ANO1: variants seen among roughly 807,000 people sequenced by gnomAD.
ANO1 encodes the protein anoctamin 1.
Under a neutral mutation model 124.0 loss-of-function variants are expected in ANO1, and 59 were observed. The ratio of observed to expected loss-of-function variants is 0.48; its 90% CI spans 0.39 to 0.59. The LOEUF (loss-of-function observed/expected upper bound fraction) is 0.59. ANO1 is among the 20% of genes least tolerant of loss of function. The pLI is 0.00. For missense variants in ANO1, 1,059 were observed against 1,328.0 expected (o/e 0.80, Z 3.15); for synonymous variants, 529 against 532.0 (o/e 0.99, Z 0.08).
chr11:70,014,658 T>C (rs1196340143), intron 1 of ANO1, among the ~76,000 whole-genome samples: 1 of 152,076 alleles, frequency 6.6e-6, no homozygotes, highest in African/African-American at 2.4e-5. Context: ...GTTGAGAGTA[T>C]GCTGGGAGCA....
intron 12 of ANO1, 121 bp downstream of exon 12, chr11:70,149,913 A>G (rs2047533355): frequency 8.9e-7 from 1 of 1,117,938 alleles, no homozygotes; most frequent in Non-Finnish European, 1.3e-6. Flanking sequence ...AAGCTGAGGC[A>G]AGGCCGCCCC....
At position 70,153,133 on chromosome 11, in the gene ANO1, G is replaced by A. The variant is rs767505921; in HGVS notation, c.1425+5G>A. ...AAAGAGTCCAGAAACAAAGAGGTAT[G>A]GTGGCCACTGTGGGTTAACTTTCCC... is the stretch of plus-strand genomic sequence containing the variant. On this transcript the variant is annotated splice_donor_5th_base_variant and intron_variant, in intron 14 of 25. Transcript: ENST00000355303. 15 of 1,599,892 alleles carry A rather than the reference G, an allele frequency of 9.4e-6. No homozygotes were observed. The highest frequency in any genetic ancestry group is 1.3e-5 in the African/African-American group (1 of 74,738).
chr11:70,040,647 C>A (rs1288641705), intron 1 of ANO1, among the ~76,000 whole-genome samples: 6 of 152,096 alleles, frequency 3.9e-5, no homozygotes, highest in Non-Finnish European at 8.8e-5. Flanking sequence ...TGCACTCCAC[C>A]CTGGGTGACA....
intron 1 of ANO1, among the ~76,000 whole-genome samples, chr11:70,003,129 C>T (rs899267560): frequency 6.6e-6 from 1 of 152,124 alleles, no homozygotes; most frequent in African/African-American, 2.4e-5. Flanking sequence ...GTTTTTATCA[C>T]TCTAAAATAC....
chr11:70,106,296 C>A (rs899080792), intron 5 of ANO1, among the ~76,000 whole-genome samples: 1 of 152,242 alleles, frequency 6.6e-6, no homozygotes, highest in Non-Finnish European at 1.5e-5. Flanking sequence ...GCACTGGCTT[C>A]ATGTTTATCC....
chr11:70,106,549 C>T (rs1228038917), intron 5 of ANO1, among the ~76,000 whole-genome samples: 1 of 152,154 alleles, frequency 6.6e-6, no homozygotes, highest in Non-Finnish European at 1.5e-5. Flanking sequence ...CGGTGCAGGT[C>T]GTACCAGCAC....
chr11:70,028,229 C>T (rs1223463327), intron 1 of ANO1, among the ~76,000 whole-genome samples: 1 of 152,166 alleles, frequency 6.6e-6, no homozygotes, highest in Non-Finnish European at 1.5e-5. Flanking sequence ...GCAGGCAGTG[C>T]CTGGGGATTT....
intron 23 of ANO1, 50 bp downstream of exon 23, chr11:70,180,106 C>G (rs1414963055): frequency 6.4e-7 from 1 of 1,556,976 alleles, no homozygotes; most frequent in African/African-American, 1.4e-5. Flanking sequence ...GCTGAACTGC[C>G]AGGTGGCCGG....
intron 7 of ANO1, 21 bp from the exon 8 acceptor site, chr11:70,116,437 C>T (rs974336769): frequency 2.5e-6 from 4 of 1,589,740 alleles, no homozygotes; most frequent in Non-Finnish European, 3.4e-6. Context: ...TAAGAACGTC[C>T]CTTTCCTCTT....
chr11:70,151,611 C>G (rs1223598876), intron 12 of ANO1, among the ~76,000 whole-genome samples: 1 of 152,174 alleles, frequency 6.6e-6, no homozygotes, highest in Non-Finnish European at 1.5e-5. Flanking sequence ...ACCCTGATGG[C>G]TTGGGATCTT....
chr11:70,092,455 TG>T (rs1253002921), intron 2 of ANO1, among the ~76,000 whole-genome samples: 3 of 152,170 alleles, frequency 2.0e-5, no homozygotes, highest in African/African-American at 7.2e-5. Flanking sequence ...GGCAGGGTCA[TG>T]GCTGAGGGCC....
At chr11:70,051,764 T>TA (rs1555006286) in intron 1 of ANO1, among the ~76,000 whole-genome samples, 1 of 152,278 alleles carries the variant, frequency 6.6e-6, no homozygotes, top group Non-Finnish European at 1.5e-5. Context: ...TATTCCTTTG[T>TA]AAGAGTGGCT....
intron 1 of ANO1, among the ~76,000 whole-genome samples, chr11:70,038,016 G>T (rs557633399): frequency 3.9e-4 from 60 of 152,346 alleles, no homozygotes; most frequent in African/African-American, 1.4e-3. Flanking sequence ...GCCAGTCGCA[G>T]TGGCTCATGC....
chr11:69,968,531 AG>A, the ANO1 span, among the ~76,000 whole-genome samples: 1 of 152,254 alleles, frequency 6.6e-6, no homozygotes, highest in Admixed American at 6.5e-5. Context: ...ATGTTTACCA[AG>A]GAGCCCTCGA....
chr11:70,045,535 T>C (rs1857246167), intron 1 of ANO1, among the ~76,000 whole-genome samples: 1 of 152,078 alleles, frequency 6.6e-6, no homozygotes, highest in Non-Finnish European at 1.5e-5. Context: ...AGCAACAAAA[T>C]CAGAAAATAT....
chr11:70,111,853 G>A, intron 7 of ANO1, 91 bp downstream of exon 7: 1 of 1,309,848 alleles, frequency 7.6e-7, no homozygotes. Flanking sequence ...CAATTATCCT[G>A]TGGTCACAGC....
intron 11 of ANO1, among the ~76,000 whole-genome samples, chr11:70,145,427 C>G (rs941838408): frequency 6.6e-6 from 1 of 152,176 alleles, no homozygotes; most frequent in African/African-American, 2.4e-5. Flanking sequence ...AAAGGAGAAG[C>G]AGGAAATGCA....
chr11:70,186,822 ACTC>A (rs1291919606), intron 25 of ANO1, among the ~76,000 whole-genome samples: 4 of 152,072 alleles, frequency 2.6e-5, no homozygotes, highest in Non-Finnish European at 5.9e-5. Flanking sequence ...AGGCCCTTCC[ACTC>A]CTCTAAGCTC....
intron 2 of ANO1, among the ~76,000 whole-genome samples, chr11:70,092,895 G>T (rs1373197542): frequency 6.6e-6 from 1 of 152,172 alleles, no homozygotes; most frequent in Admixed American, 6.5e-5. Flanking sequence ...TTCAAAGTGG[G>T]TTTACAGGAG....
Sources: gnomAD v4.1 joint callset for allele counts (sites outside exome capture counted in the v4.1 genomes callset) on GRCh38, gnomAD v4.1.1 for gene constraint, MANE v1.5 for transcripts, NCBI Gene and HGNC (gene_info 2026-07-23, HGNC 2026-07-21) for gene names.